The following TPM4 variants were observed in gnomAD, a reference collection of about 807,000 sequenced individuals.
The protein encoded by TPM4 is tropomyosin 4.
In TPM4, 17 loss-of-function variants were observed where a neutral mutation model predicts 35.8. That is an observed-to-expected ratio of 0.47 (90% CI 0.32 to 0.71). The LOEUF (loss-of-function observed/expected upper bound fraction) is 0.71, where lower values mean the gene tolerates loss of function less well. TPM4 is among the 30% of genes least tolerant of loss of function. The pLI, the probability that TPM4 is intolerant of heterozygous loss-of-function variation, is 0.03. For missense variants in TPM4, 240 were observed against 320.9 expected (o/e 0.75, Z 1.93); for synonymous variants, 120 against 122.9 (o/e 0.98, Z 0.15).
intron 2 of TPM4, among the ~76,000 whole-genome samples, chr19:16,082,268 G>A (rs886085433): frequency 2.6e-5 from 4 of 152,174 alleles, no homozygotes; most frequent in African/African-American, 7.2e-5. Flanking sequence ...CAGCACTTTG[G>A]GAGGCCAAGG....
At chr19:16,096,534 C>A (rs1367824583) in intron 7 of TPM4, among the ~76,000 whole-genome samples, 1 of 152,196 alleles carries the variant, frequency 6.6e-6, no homozygotes, top group African/African-American at 2.4e-5. Context: ...GCGGCAGTGA[C>A]ATTTTGATCT....
intron 2 of TPM4, 106 bp from the exon 3 acceptor site, chr19:16,086,317 T>C: frequency 9.6e-7 from 1 of 1,043,076 alleles, no homozygotes; most frequent in Non-Finnish European, 1.5e-6. Flanking sequence ...GCCACTGCAC[T>C]CCAGCCTGGA....
chr19:16,068,599 GTGTC>G (rs1432307747), intron 2 of TPM4, among the ~76,000 whole-genome samples: 1 of 152,184 alleles, frequency 6.6e-6, no homozygotes. Context: ...GTTTGAGCGT[GTGTC>G]TGTGTGTATC....
At chr19:16,088,627 T>G (rs1267847280) in intron 4 of TPM4, 10 of 1,032,076 alleles carry the variant, frequency 9.7e-6, no homozygotes, top group Non-Finnish European at 1.0e-5. Context: ...CTGAGAGAGA[T>G]CTGGTTTCAC....
chr19:16,087,018 G>A (rs924374186), intron 3 of TPM4, among the ~76,000 whole-genome samples: 3 of 152,066 alleles, frequency 2.0e-5, no homozygotes, highest in Admixed American at 6.6e-5. Context: ...GCGGTGGCTC[G>A]TACCTGTAAC....
intron 5 of TPM4, among the ~76,000 whole-genome samples, chr19:16,091,990 C>T (rs776300162): frequency 2.7e-5 from 4 of 150,674 alleles, no homozygotes; most frequent in African/African-American, 7.3e-5. Context: ...GCCATCGTAG[C>T]GAAACCCCAT....
At chr19:16,081,230 C>T (rs1676366769) in intron 1 of TPM4, 3 of 395,136 alleles carry the variant, frequency 7.6e-6, no homozygotes, top group Non-Finnish European at 8.9e-6. Context: ...GAACTCTCTA[C>T]GTGGTAACAC....
rs950365257 is a variant in TPM4, at chr19:16,076,676, C to G, written c.111C>G (p.Gly37=). The change falls in exon 1 of 8, where the codon GGC becomes GGG. Residue 37 remains glycine, a synonymous_variant. Coordinates refer to ENST00000643579, the MANE Select transcript of TPM4 (RefSeq NM_003290.3). ...RAQGLQRELD[G]ERERREKAEG... is the part of the protein sequence containing the mutation. The stretch of plus-strand genomic sequence containing the variant: ...AGGGCCTGCAGCGGGAGCTGGACGG[C>G]GAGCGCGAGCGGCGCGAGAAAGTGA... 1.0e-5 allele frequency: 14 copies of G among 1,375,642 alleles called. No individual in the cohort carries two copies. Among genetic ancestry groups the G allele is most frequent in the Non-Finnish European group, 1.2e-5 (13 of 1,066,184 alleles). The allele number at this position is 1,375,642 out of a possible 1,614,324, so 85.2% of individuals were successfully genotyped here. A position where few individuals can be genotyped will look rare whatever the true frequency, so the allele number is the denominator to read the frequency against.
rs1206115500 is a variant in TPM4 at position 16,101,647 on chromosome 19, G to C, written c.*301G>C. The C allele has an allele frequency of 3.2e-6, 1 of 313,308 alleles. No individual in the cohort carries two copies. The highest frequency in any genetic ancestry group is 6.0e-6 in the Non-Finnish European group (1 of 166,732). The allele number at this position is 313,308 out of a possible 1,614,324, so 19.4% of individuals were successfully genotyped here. ...GTAAGCATACTTTCTTAAGACGGAG[G>C]CCATTTGGTTCCTGGGAGAATAGGC... On this transcript the variant is annotated 3_prime_UTR_variant, in exon 8 of 8. Transcript: ENST00000643579.
chr19:16,072,393 G>T (rs560364650), upstream of TPM4, among the ~76,000 whole-genome samples: 15 of 152,344 alleles, frequency 9.8e-5, no homozygotes, highest in African/African-American at 3.6e-4. Context: ...CACCAGGGTT[G>T]GGGAGCCTTG....
In TPM4 at chr19:16,081,996, G is replaced by T. The variant is rs535782808; in HGVS notation, c.216G>T (p.Thr72=). 3.7e-6 allele frequency: 6 copies of T among 1,610,504 alleles called. No homozygotes were observed. The East Asian group carries it at 1.3e-4, about 36-fold the overall frequency. The change falls in exon 2 of 8, where the codon ACG becomes ACT. Residue 72 remains threonine, a synonymous_variant. Coordinates refer to ENST00000643579, the MANE Select transcript of TPM4 (RefSeq NM_003290.3). ...ELDRAQERLA[T]ALQKLEEAEK... ...ACAGGGCTCAGGAACGACTGGCCAC[G>T]GCCCTGCAGAAGCTGGAGGAGGCAG...
intron 4 of TPM4, chr19:16,088,335 G>C: frequency 7.4e-7 from 1 of 1,349,824 alleles, no homozygotes; most frequent in Non-Finnish European, 9.6e-7. Context: ...GAGGAAATAG[G>C]AGTGAGACAG....
At chr19:16,086,081 A>C (rs1474486141) in intron 2 of TPM4, among the ~76,000 whole-genome samples, 1 of 140,930 alleles carries the variant, frequency 7.1e-6, no homozygotes. Flanking sequence ...AAAAAAAAAA[A>C]AAAACCAAGA....
At chr19:16,068,209 G>T (rs956666210) in intron 2 of TPM4, among the ~76,000 whole-genome samples, 1 of 148,306 alleles carries the variant, frequency 6.7e-6, no homozygotes, top group Non-Finnish European at 1.5e-5. Context: ...ACAGAGTCTC[G>T]CTCTGTGGCC....
intron 1 of TPM4, chr19:16,080,727 TGA>T: frequency 3.6e-6 from 1 of 280,846 alleles, no homozygotes. Flanking sequence ...CAGAATTGCT[TGA>T]ACCCGGGAGG....
intron 3 of TPM4, 44 bp from the exon 4 acceptor site, chr19:16,087,983 G>T: frequency 6.3e-7 from 1 of 1,582,772 alleles, no homozygotes. Flanking sequence ...GAGAGGACAC[G>T]GCTGGTGGGG....
In TPM4 at chr19:16,102,510, C is replaced by T. The variant is rs950843036; in HGVS notation, c.*1164C>T. 2 of 226,094 alleles carry T rather than the reference C, an allele frequency of 8.8e-6. No homozygotes were observed. The highest frequency in any genetic ancestry group is 5.7e-5 in the Admixed American group (1 of 17,482). 14.0% of individuals were successfully genotyped at this position (226,094 alleles called of 1,614,324 possible). On this transcript the variant is annotated 3_prime_UTR_variant, in exon 8 of 8. Coordinates refer to ENST00000643579, the MANE Select transcript of TPM4 (RefSeq NM_003290.3). ...AGTTTTTATCTATTAGCAGAAAGGG[C>T]CTCTCTGGCAGCAGAGATTAAAAAC...
chr19:16,069,721 C>T (rs913119311), intron 2 of TPM4, among the ~76,000 whole-genome samples: 12 of 92,360 alleles, frequency 1.3e-4, no homozygotes, highest in South Asian at 3.5e-4. Flanking sequence ...TATGGGGTTG[C>T]GTGTATGAGT....
At chr19:16,076,855 C>T in intron 1 of TPM4, 158 bp downstream of exon 1, 5 of 1,243,386 alleles carry the variant, frequency 4.0e-6, no homozygotes, top group Non-Finnish European at 5.1e-6. Context: ...GCGCCCGCAG[C>T]CAGGACCCCC....
Sources: allele counts gnomAD v4.1 joint callset (sites outside exome capture counted in the v4.1 genomes callset), GRCh38; gene constraint gnomAD v4.1.1; transcripts MANE v1.5; gene names NCBI Gene and HGNC (gene_info 2026-07-23, HGNC 2026-07-21).